EPB41L2: variants seen among roughly 807,000 people sequenced by gnomAD.
EPB41L2 encodes the protein erythrocyte membrane protein band 4.1 like 2.
EPB41L2 carries 43 observed loss-of-function variants against 113.0 expected under a neutral mutation model. The observed-to-expected ratio is 0.38, with a 90% CI of 0.30 to 0.49. The LOEUF (loss-of-function observed/expected upper bound fraction) is 0.49. Ranked by LOEUF, EPB41L2 falls within the 20% of genes least tolerant of loss-of-function variation. EPB41L2 has a pLI of 0.95. For synonymous variants in EPB41L2, 442 were observed against 436.7 expected, an observed-to-expected ratio of 1.01 and a Z score of -0.15; for missense variants, 1,147 against 1,223.4, an observed-to-expected ratio of 0.94 and a Z score of 0.93.
intron 1 of EPB41L2, among the ~76,000 whole-genome samples, chr6:131,062,746 G>A (rs1257865607): frequency 6.6e-6 from 1 of 151,860 alleles, no homozygotes; most frequent in East Asian, 2.0e-4. Flanking sequence ...GGGCCCGGAC[G>A]CGTGACCTGA....
In EPB41L2 at chr6:130,992,359, T is replaced by A. The variant is rs564414132; in HGVS notation, c.-14-35860A>T. Reference sequence around the variant, plus strand: ...TGTTGACTGGCTGCCACTCAAGTAATCAAATCCCTAGGGGAAAGCCAGCAA... The same window carrying A: ...TGTTGACTGGCTGCCACTCAAGTAAACAAATCCCTAGGGGAAAGCCAGCAA... On this transcript the variant is annotated intron_variant, in intron 1 of 19. Coordinates refer to ENST00000337057, the MANE Select transcript of EPB41L2 (RefSeq NM_001431.4). Among the ~76,000 whole-genome samples, 4 of 152,226 alleles carry A rather than the reference T, an allele frequency of 2.6e-5. No individual in the cohort carries two copies. In the South Asian group the frequency reaches 8.3e-4, roughly 32 times the overall value.
chr6:131,054,408 T>C (rs958671164), intron 1 of EPB41L2, among the ~76,000 whole-genome samples: 2 of 152,224 alleles, frequency 1.3e-5, no homozygotes, highest in Non-Finnish European at 2.9e-5. Flanking sequence ...CTGCTAGTAT[T>C]TGCTAGTCTT....
At chr6:131,029,615 C>A (rs1791645918) in intron 1 of EPB41L2, among the ~76,000 whole-genome samples, 1 of 152,132 alleles carries the variant, frequency 6.6e-6, no homozygotes, top group Non-Finnish European at 1.5e-5. Flanking sequence ...ATTAAAAGTT[C>A]ATTCTCCCAC....
Position 130,863,707 on chromosome 6 carries a change from A to G in EPB41L2, c.2841T>C (p.Gly947=), listed in dbSNP as rs773730454. 6.2e-6 allele frequency: 10 copies of G among 1,612,860 alleles called. No homozygotes were observed. Among genetic ancestry groups the G allele is most frequent in the Middle Eastern group, 1.6e-4 (1 of 6,084 alleles). Residue 947 remains glycine (G), a synonymous_variant, in exon 18 of 20, where the codon GGT becomes GGC. Transcript: ENST00000337057. The stretch of plus-strand genomic sequence containing the variant: ...TCTCAATTCTTGTTTCAGAAATTCC[A>G]CCTTTTACAGTCTAAAGGTCATAAA... ...TTTHITKTVK[G]GISETRIEKR... is the part of the protein sequence containing the mutation.
intron 1 of EPB41L2, among the ~76,000 whole-genome samples, chr6:130,984,382 G>A (rs1780045474): frequency 6.6e-6 from 1 of 152,174 alleles, no homozygotes; most frequent in Non-Finnish European, 1.5e-5. Context: ...GTACCTAACT[G>A]TATGTGCTAG....
intron 1 of EPB41L2, among the ~76,000 whole-genome samples, chr6:131,047,316 C>A (rs181095626): frequency 1.8e-4 from 28 of 151,920 alleles, no homozygotes; most frequent in Admixed American, 1.8e-3. Context: ...CAGTGTACTC[C>A]GGCCCAGACA....
chr6:131,063,013 G>A (rs1256577918), intron 1 of EPB41L2, 142 bp downstream of exon 1: 1 of 152,600 alleles, frequency 6.6e-6, no homozygotes, highest in African/African-American at 2.4e-5. Flanking sequence ...CATCCCGGTG[G>A]GACCGTCCCG....
chr6:130,917,882 A>T (rs1209067780), intron 4 of EPB41L2, among the ~76,000 whole-genome samples: 1 of 152,164 alleles, frequency 6.6e-6, no homozygotes, highest in African/African-American at 2.4e-5. Context: ...GCTTTAGGTG[A>T]TCTCTAATTT....
chr6:130,909,102 A>T (rs1459789659), intron 4 of EPB41L2, among the ~76,000 whole-genome samples: 1 of 152,200 alleles, frequency 6.6e-6, no homozygotes. Flanking sequence ...GGTGGGTCCC[A>T]TGGGCCTCAT....
At chr6:130,937,876 T>G (rs1809419174) in intron 3 of EPB41L2, among the ~76,000 whole-genome samples, 1 of 150,294 alleles carries the variant, frequency 6.7e-6, no homozygotes, top group African/African-American at 2.4e-5. Flanking sequence ...TCTGACAATC[T>G]TCAATGACAA....
intron 1 of EPB41L2, among the ~76,000 whole-genome samples, chr6:130,975,890 C>T (rs1276133974): frequency 6.6e-6 from 1 of 151,916 alleles, no homozygotes; most frequent in African/African-American, 2.4e-5. Flanking sequence ...TAGCTGGGCG[C>T]GGTGGCATGT....
chr6:130,979,492 C>CA (rs34912861), intron 1 of EPB41L2, among the ~76,000 whole-genome samples: 1,859 of 84,960 alleles, frequency 0.022, 48 homozygotes, highest in African/African-American at 0.055. Flanking sequence ...GAGACTCTGT[C>CA]AAAAAAAAAA....
In EPB41L2 at chr6:130,955,976, A is replaced by T; in HGVS notation, c.492+18T>A. ...CGCTATCAGGTTTTCATTTCCAGGC[A>T]ATTATTCCCAAACATACCTGCATCT... On this transcript the variant is annotated intron_variant, in intron 2 of 19. Transcript: ENST00000337057. 6.3e-7 allele frequency: 1 copy of T among 1,592,942 alleles called. No homozygotes were observed. Among genetic ancestry groups the T allele is most frequent in the Non-Finnish European group, 8.5e-7 (1 of 1,172,984 alleles).
chr6:131,057,225 A>G (rs558316606), intron 1 of EPB41L2, among the ~76,000 whole-genome samples: 8 of 152,262 alleles, frequency 5.3e-5, no homozygotes, highest in African/African-American at 1.9e-4. Flanking sequence ...TCTCTCATCC[A>G]CTTGTGCACA....
chr6:131,048,965 G>A (rs1168411429), intron 1 of EPB41L2, among the ~76,000 whole-genome samples: 1 of 151,894 alleles, frequency 6.6e-6, no homozygotes, highest in African/African-American at 2.4e-5. Context: ...TCTACACAGA[G>A]CAAGTAACAC....
At chr6:130,928,034 A>T (rs926373274) in intron 3 of EPB41L2, among the ~76,000 whole-genome samples, 1 of 152,178 alleles carries the variant, frequency 6.6e-6, no homozygotes, top group South Asian at 2.1e-4. Flanking sequence ...CTGAGGCTGC[A>T]GTGAGCTGTG....
intron 19 of EPB41L2, among the ~76,000 whole-genome samples, chr6:130,847,848 T>C (rs919259386): frequency 6.6e-6 from 1 of 152,168 alleles, no homozygotes; most frequent in African/African-American, 2.4e-5. Flanking sequence ...TTCTACAAAA[T>C]CTTAAAGCTT....
chr6:130,877,239 A>C (rs1372055346), intron 14 of EPB41L2, among the ~76,000 whole-genome samples: 6 of 152,248 alleles, frequency 3.9e-5, no homozygotes, highest in Admixed American at 3.9e-4. Flanking sequence ...ACAATTTGGC[A>C]ACATTCAAGC....
At chr6:130,879,865 T>C (rs1788713564) in intron 13 of EPB41L2, among the ~76,000 whole-genome samples, 1 of 152,256 alleles carries the variant, frequency 6.6e-6, no homozygotes, top group Non-Finnish European at 1.5e-5. Context: ...ATAGGTTTAC[T>C]TGTAGAACAA....
Sources: gnomAD v4.1 joint callset for allele counts (sites outside exome capture counted in the v4.1 genomes callset) on GRCh38, gnomAD v4.1.1 for gene constraint, MANE v1.5 for transcripts, NCBI Gene and HGNC (gene_info 2026-07-23, HGNC 2026-07-21) for gene names.